PPFIBP1: variants seen among roughly 807,000 people sequenced by gnomAD.
PPFIBP1 encodes the protein liprin-beta-1.
PPFIBP1 carries 112 observed loss-of-function variants against 137.8 expected under a neutral mutation model. That is an observed-to-expected ratio of 0.81 (90% confidence interval 0.70 to 0.95). The LOEUF (loss-of-function observed/expected upper bound fraction) is 0.95, where lower values mean the gene tolerates loss of function less well. Among genes scored for constraint, PPFIBP1 ranks in the 40% least tolerant of loss-of-function variants. The probability of loss-of-function intolerance (pLI) is 0.00; values close to 1 mark genes in which losing one functional copy is unlikely to be tolerated. For synonymous variants in PPFIBP1, 378 were observed against 417.3 expected, an observed-to-expected ratio of 0.91 and a Z score of 1.15; for missense variants, 1,083 against 1,196.6, an observed-to-expected ratio of 0.91 and a Z score of 1.40.
At chr12:27,613,148 A>G (rs1044254144) in intron 2 of PPFIBP1, among the ~76,000 whole-genome samples, 4 of 152,234 alleles carry the variant, frequency 2.6e-5, no homozygotes, top group Admixed American at 2.0e-4. Flanking sequence ...ATAAGCTGCT[A>G]TTAGACTCTC....
At chr12:27,569,097 A>G (rs2136609784) in intron 1 of PPFIBP1, among the ~76,000 whole-genome samples, 1 of 152,212 alleles carries the variant, frequency 6.6e-6, no homozygotes, top group East Asian at 1.9e-4. Flanking sequence ...CTGAAACCAT[A>G]ATTGCATCCC....
intron 2 of PPFIBP1, among the ~76,000 whole-genome samples, chr12:27,588,806 A>G (rs1011945671): frequency 1.3e-5 from 2 of 152,234 alleles, no homozygotes; most frequent in African/African-American, 2.4e-5. Context: ...AGTTCCTTAT[A>G]AAGCATATTA....
chr12:27,624,745 G>A (rs951617267), intron 2 of PPFIBP1, among the ~76,000 whole-genome samples: 2 of 152,146 alleles, frequency 1.3e-5, no homozygotes, highest in African/African-American at 2.4e-5. Context: ...TTCCTGAATA[G>A]CGTGTGCATG....
intron 24 of PPFIBP1, among the ~76,000 whole-genome samples, chr12:27,684,650 G>A (rs1226386317): frequency 1.3e-5 from 2 of 152,052 alleles, no homozygotes; most frequent in African/African-American, 4.8e-5. Flanking sequence ...TGTGTAGTAT[G>A]TTGCACATTT....
chr12:27,623,545 A>G (rs2056535024), intron 2 of PPFIBP1, among the ~76,000 whole-genome samples: 1 of 152,042 alleles, frequency 6.6e-6, no homozygotes, highest in South Asian at 2.1e-4. Context: ...TACTAAAAAT[A>G]AAAATTTTAA....
intron 11 of PPFIBP1, 127 bp from the exon 12 acceptor site, chr12:27,664,234 TA>T: frequency 1.6e-6 from 1 of 643,036 alleles, no homozygotes. Context: ...TTCTTTTTTT[TA>T]AATGCTCTCT....
intron 1 of PPFIBP1, among the ~76,000 whole-genome samples, chr12:27,542,135 A>G (rs962725488): frequency 6.6e-6 from 1 of 152,234 alleles, no homozygotes; most frequent in South Asian, 2.1e-4. Context: ...TTCAACCAAT[A>G]GCAGATGGAA....
chr12:27,660,604 C>G (rs2059484958), intron 10 of PPFIBP1, among the ~76,000 whole-genome samples: 1 of 152,136 alleles, frequency 6.6e-6, no homozygotes, highest in African/African-American at 2.4e-5. Flanking sequence ...CTTCAGTGTT[C>G]TCATGAAGAT....
intron 13 of PPFIBP1, 63 bp from the exon 14 acceptor site, chr12:27,671,368 A>T: frequency 1.1e-6 from 1 of 911,982 alleles, no homozygotes; most frequent in Admixed American, 2.7e-5. Context: ...TGTTTATTTA[A>T]ATTACTCTGT....
rs1363669052 is a variant in PPFIBP1 at position 27,606,345 on chromosome 12, T to A, written c.-35-27017T>A. On this transcript the variant is annotated intron_variant, in intron 2 of 29. Coordinates refer to ENST00000228425, the MANE Select transcript of PPFIBP1 (RefSeq NM_003622.4). ...GGGTATGGGGGAGGATGAGTTCTCA[T>A]GTACCCACTTGGTAAGAGAAGGTTG... is the stretch of plus-strand genomic sequence containing the variant. 5.3e-5 allele frequency among the ~76,000 whole-genome samples: 8 copies of A among 152,130 alleles called. No individual in the cohort carries two copies. The East Asian group carries it at 1.5e-3, about 29-fold the overall frequency.
chr12:27,614,925 C>T (rs1488447757), intron 2 of PPFIBP1, among the ~76,000 whole-genome samples: 2 of 152,144 alleles, frequency 1.3e-5, no homozygotes, highest in Non-Finnish European at 2.9e-5. Flanking sequence ...CTAAAAGAAG[C>T]AACTGGTGGT....
At chr12:27,661,719 C>T (rs2059565208) in intron 11 of PPFIBP1, among the ~76,000 whole-genome samples, 1 of 152,152 alleles carries the variant, frequency 6.6e-6, no homozygotes, top group African/African-American at 2.4e-5. Context: ...TAAAAAACAA[C>T]AAAAAGTCAA....
chr12:27,672,533 G>A (rs2060264876), intron 15 of PPFIBP1, 50 bp downstream of exon 15: 1 of 1,386,210 alleles, frequency 7.2e-7, no homozygotes, highest in South Asian at 1.2e-5. Flanking sequence ...GCTAGAGAAA[G>A]AGAGTTCTGT....
chr12:27,573,886 G>GC (rs1383857209), intron 1 of PPFIBP1, among the ~76,000 whole-genome samples: 1 of 151,824 alleles, frequency 6.6e-6, no homozygotes, highest in Non-Finnish European at 1.5e-5. Flanking sequence ...GGAGACTGAA[G>GC]CAAGAGGATT....
At chr12:27,667,014 G>GTTA in intron 12 of PPFIBP1, 152 bp from the exon 13 acceptor site, 1 of 790,178 alleles carries the variant, frequency 1.3e-6, no homozygotes, top group Non-Finnish European at 1.9e-6. Flanking sequence ...GTCCTATGTT[G>GTTA]TTTTTCAAGG....
chr12:27,599,235 A>T lies in PPFIBP1; in HGVS notation c.-36+20996A>T, dbSNP rs145124198. On this transcript the variant is annotated intron_variant, in intron 2 of 29. Coordinates refer to ENST00000228425, the MANE Select transcript of PPFIBP1 (RefSeq NM_003622.4). The stretch of plus-strand genomic sequence containing the variant: ...AGTATTTGAATCAGTAGACCCAGGA[A>T]AGCAGATTGCCCTTCCCAGTGTGGG... 5.9e-3 allele frequency: 1,238 copies of T among 211,412 alleles called. 10 individuals are homozygous for T. Among genetic ancestry groups the T allele is most frequent in the African/African-American group, 0.027 (1,159 of 43,124 alleles). 13.1% of individuals were successfully genotyped at this position (211,412 alleles called of 1,614,324 possible).
intron 2 of PPFIBP1, among the ~76,000 whole-genome samples, chr12:27,591,856 C>A (rs2052555992): frequency 6.6e-6 from 1 of 152,198 alleles, no homozygotes; most frequent in Admixed American, 6.5e-5. Context: ...GCTGTCTGAT[C>A]TCTGAAATTG....
At position 27,689,152 on chromosome 12, in the gene PPFIBP1, T is replaced by A. The variant is rs948389242; in HGVS notation, c.2634T>A (p.Asp878Glu). ...IGAEAQHQKR[D>E]AMELPDYVLL... ...CTGAGGCACAGCACCAGAAGCGAGA[T>A]GCCATGGAGCTGCCGGATTATGTAC... Residue 878 changes from aspartate (D) to glutamate (E), a missense_variant, in exon 27 of 30, where the codon GAT becomes GAA. Coordinates refer to ENST00000228425, the MANE Select transcript of PPFIBP1 (RefSeq NM_003622.4). 1 of 1,599,090 alleles carries A rather than the reference T, an allele frequency of 6.3e-7. No homozygotes were observed. Among genetic ancestry groups the A allele is most frequent in the East Asian group, 2.2e-5 (1 of 44,792 alleles).
intron 12 of PPFIBP1, 52 bp from the exon 13 acceptor site, chr12:27,667,114 A>C: frequency 7.0e-7 from 1 of 1,437,980 alleles, no homozygotes; most frequent in Non-Finnish European, 9.2e-7. Flanking sequence ...TGTAAAAGTG[A>C]AATATAAATC....
Sources: gnomAD v4.1 joint callset for allele counts (sites outside exome capture counted in the v4.1 genomes callset) on GRCh38, gnomAD v4.1.1 for gene constraint, MANE v1.5 for transcripts, NCBI Gene and HGNC (gene_info 2026-07-23, HGNC 2026-07-21) for gene names.